Variants in ZNF385D observed in about 807,000 individuals in gnomAD.
The protein encoded by ZNF385D is zinc finger protein 385D.
Under a neutral mutation model 35.8 loss-of-function variants are expected in ZNF385D, and 15 were observed. The ratio of observed to expected loss-of-function variants is 0.42; its 90% CI spans 0.28 to 0.64. The LOEUF (loss-of-function observed/expected upper bound fraction) is 0.64. ZNF385D is among the 30% of genes least tolerant of loss of function. The probability of loss-of-function intolerance (pLI) is 0.23; values close to 1 mark genes in which losing one functional copy is unlikely to be tolerated. For missense variants in ZNF385D, 474 were observed against 494.6 expected (o/e 0.96, Z 0.39); for synonymous variants, 212 against 186.8 (o/e 1.13, Z -1.10).
intron 1 of ZNF385D, among the ~76,000 whole-genome samples, chr3:21,688,715 T>C (rs2125336112): frequency 6.6e-6 from 1 of 152,248 alleles, no homozygotes; most frequent in South Asian, 2.1e-4. Flanking sequence ...AATTAACAAC[T>C]CTAGGAATGC....
intron 3 of ZNF385D, among the ~76,000 whole-genome samples, chr3:22,103,864 G>C (rs892467561): frequency 2.0e-5 from 3 of 151,984 alleles, no homozygotes; most frequent in African/African-American, 7.2e-5. Context: ...CTCATCTTGA[G>C]AAAATACTAA....
intron 2 of ZNF385D, among the ~76,000 whole-genome samples, chr3:21,608,301 G>A (rs901711661): frequency 1.3e-5 from 2 of 151,916 alleles, no homozygotes; most frequent in African/African-American, 4.8e-5. Flanking sequence ...GAGCCACTGC[G>A]CCCAGCCCTA....
intron 2 of ZNF385D, among the ~76,000 whole-genome samples, chr3:22,331,059 G>C (rs1005835239): frequency 6.6e-6 from 1 of 152,148 alleles, no homozygotes; most frequent in Non-Finnish European, 1.5e-5. Flanking sequence ...TCATTGCTTT[G>C]TGTTTGCAGC....
intron 1 of ZNF385D, among the ~76,000 whole-genome samples, chr3:21,737,528 T>C (rs1341108075): frequency 3.9e-5 from 6 of 151,930 alleles, no homozygotes; most frequent in African/African-American, 1.5e-4. Flanking sequence ...ATACGAAATA[T>C]ATACACACAC....
intron 2 of ZNF385D, among the ~76,000 whole-genome samples, chr3:22,319,454 T>A (rs903916127): frequency 6.6e-5 from 10 of 152,092 alleles, no homozygotes; most frequent in Non-Finnish European, 1.3e-4. Flanking sequence ...ATACTTTTTT[T>A]AAAAAGAAAG....
In ZNF385D at chr3:21,947,226, G is replaced by A. The variant is rs375900321; in HGVS notation, c.325+221591C>T. Among the ~76,000 whole-genome samples, 26 of 152,128 alleles carry A rather than the reference G, an allele frequency of 1.7e-4. No homozygotes were observed. The East Asian group carries it at 4.2e-3, about 25-fold the overall frequency. On this transcript the variant is annotated intron_variant, in intron 3 of 5. Transcript: ENST00000494108. Reference sequence around the variant, plus strand: ...GCATCAAACTTATAAATACAATAGCGAATTTACGATTTAAATATATTTTGA... The same window carrying A: ...GCATCAAACTTATAAATACAATAGCAAATTTACGATTTAAATATATTTTGA...
intron 2 of ZNF385D, among the ~76,000 whole-genome samples, chr3:21,613,388 A>AT (rs368324958): frequency 7.3e-4 from 110 of 151,532 alleles, no homozygotes; most frequent in African/African-American, 2.6e-3. Flanking sequence ...AGTCTTACTT[A>AT]TTTTTTTGGC....
chr3:21,571,811 C>G (rs1159273284), intron 2 of ZNF385D, among the ~76,000 whole-genome samples: 1 of 152,142 alleles, frequency 6.6e-6, no homozygotes, highest in African/African-American at 2.4e-5. Context: ...GGACACGATT[C>G]AGAAGCAGCT....
chr3:21,968,594 T>G (rs631877), intron 3 of ZNF385D, among the ~76,000 whole-genome samples: 14 of 151,882 alleles, frequency 9.2e-5, no homozygotes, highest in South Asian at 4.1e-4. Context: ...CTGTCATACT[T>G]TATTTCTAGA....
At chr3:22,161,872 A>T (rs1391217700) in intron 3 of ZNF385D, among the ~76,000 whole-genome samples, 1 of 152,196 alleles carries the variant, frequency 6.6e-6, no homozygotes, top group Non-Finnish European at 1.5e-5. Flanking sequence ...TGACAGTAGA[A>T]TATAAGTTTG....
At chr3:21,594,075 A>C (rs1348280107) in intron 2 of ZNF385D, among the ~76,000 whole-genome samples, 1 of 152,164 alleles carries the variant, frequency 6.6e-6, no homozygotes, top group Non-Finnish European at 1.5e-5. Flanking sequence ...GAACACAGGG[A>C]ATGAAAGGCA....
At chr3:22,061,297 T>A (rs2125541930) in intron 3 of ZNF385D, among the ~76,000 whole-genome samples, 1 of 152,088 alleles carries the variant, frequency 6.6e-6, no homozygotes, top group Middle Eastern at 3.4e-3. Flanking sequence ...ATCCTTTGGG[T>A]TTATTCCTTA....
chr3:21,759,551 A>G (rs984759992), intron 3 of ZNF385D, among the ~76,000 whole-genome samples: 3 of 152,168 alleles, frequency 2.0e-5, no homozygotes, highest in African/African-American at 7.2e-5. Flanking sequence ...ATATAATAAT[A>G]TGCCTCCAAA....
intron 4 of ZNF385D, among the ~76,000 whole-genome samples, chr3:21,461,674 T>C (rs1213490339): frequency 6.6e-6 from 1 of 152,258 alleles, no homozygotes; most frequent in Non-Finnish European, 1.5e-5. Context: ...TTGGGCCAAA[T>C]GTTAAATAGT....
At chr3:22,081,808 C>T (rs1050772135) in intron 3 of ZNF385D, among the ~76,000 whole-genome samples, 2 of 152,074 alleles carry the variant, frequency 1.3e-5, no homozygotes, top group African/African-American at 2.4e-5. Context: ...AGGTTGCTTA[C>T]CTCTACTTCA....
intron 2 of ZNF385D, among the ~76,000 whole-genome samples, chr3:22,318,904 A>G (rs1704046081): frequency 6.6e-6 from 1 of 152,198 alleles, no homozygotes; most frequent in African/African-American, 2.4e-5. Flanking sequence ...TTAGTCATAT[A>G]AGAAATATTC....
chr3:22,320,834 C>T (rs889831859), intron 2 of ZNF385D, among the ~76,000 whole-genome samples: 3 of 151,172 alleles, frequency 2.0e-5, no homozygotes, highest in Admixed American at 6.6e-5. Flanking sequence ...TATAAGTGTT[C>T]AACATTTAAT....
intron 2 of ZNF385D, among the ~76,000 whole-genome samples, chr3:22,180,625 T>C (rs946255123): frequency 3.9e-5 from 6 of 152,128 alleles, no homozygotes; most frequent in Admixed American, 1.3e-4. Context: ...GCAAGGTTGG[T>C]TCAACATATG....
intron 2 of ZNF385D, among the ~76,000 whole-genome samples, chr3:22,213,742 G>A (rs1030024908): frequency 6.6e-6 from 1 of 152,000 alleles, no homozygotes; most frequent in African/African-American, 2.4e-5. Flanking sequence ...CTGTTCCTCA[G>A]TAAGACATAC....
Sources: gnomAD v4.1 joint callset for allele counts (sites outside exome capture counted in the v4.1 genomes callset) on GRCh38, gnomAD v4.1.1 for gene constraint, MANE v1.5 for transcripts, NCBI Gene and HGNC (gene_info 2026-07-23, HGNC 2026-07-21) for gene names.